The following RGPD4 variants were observed in gnomAD, a reference collection of about 807,000 sequenced individuals.
The protein encoded by RGPD4 is ranBP2-like and GRIP domain-containing protein 4.
In RGPD4, 84 loss-of-function variants were observed where a neutral mutation model predicts 141.1. The observed-to-expected ratio is 0.60, with a 90% CI of 0.50 to 0.71. The LOEUF (loss-of-function observed/expected upper bound fraction) is 0.71. Among genes scored for constraint, RGPD4 ranks in the 30% least tolerant of loss-of-function variants. The pLI, the probability that RGPD4 is intolerant of heterozygous loss-of-function variation, is 0.00. For synonymous variants in RGPD4, 298 were observed against 566.8 expected, an observed-to-expected ratio of 0.53 and a Z score of 6.74; for missense variants, 918 against 1,622.4, an observed-to-expected ratio of 0.57 and a Z score of 7.46.
chr2:107,863,633 C>A (rs1361128244), intron 17 of RGPD4, among the ~76,000 whole-genome samples: 4 of 151,692 alleles, frequency 2.6e-5, no homozygotes, highest in African/African-American at 9.8e-5. Context: ...GCTGGGATTA[C>A]AGGCACCCGC....
chr2:107,891,528 C>CT lies in RGPD4; in HGVS notation c.*804dup, dbSNP rs1430454771. Among the ~76,000 whole-genome samples the CT allele has an allele frequency of 4.3e-5, 4 of 93,018 alleles. No homozygotes were observed. Among genetic ancestry groups the CT allele is most frequent in the African/African-American group, 2.1e-4 (4 of 19,136 alleles). 61.0% of individuals were successfully genotyped at this position (93,018 alleles called of 152,430 possible). A position where few individuals can be genotyped will look rare whatever the true frequency, so the allele number is the denominator to read the frequency against. Reference sequence around the variant, plus strand: ...GTTATTTGCTTTAAAATAAACTCTTCTTTTTTTCTTTAAAGTATACTATCT... The same window carrying CT: ...GTTATTTGCTTTAAAATAAACTCTTCTTTTTTTTCTTTAAAGTATACTATCT... On this transcript the variant is annotated 3_prime_UTR_variant, in exon 23 of 23. Coordinates refer to ENST00000408999, the MANE Select transcript of RGPD4 (RefSeq NM_182588.3).
intron 15 of RGPD4, 78 bp downstream of exon 15, chr2:107,861,818 G>C (rs1682551686): frequency 6.3e-7 from 1 of 1,592,504 alleles, no homozygotes; most frequent in African/African-American, 1.4e-5. Context: ...TTATATTTTG[G>C]TAATTTCAAA....
In RGPD4 at chr2:107,832,187, C is replaced by CATTG. The variant is rs749712465; in HGVS notation, c.73-4398_73-4395dup. The stretch of plus-strand genomic sequence containing the variant: ...TAATCCGTTCAATTTCAGCTTAAAA[C>CATTG]ATTGATTGATTGATTGATTGTCTAC... On this transcript the variant is annotated intron_variant, in intron 1 of 22. Coordinates refer to ENST00000408999, the MANE Select transcript of RGPD4 (RefSeq NM_182588.3). Among the ~76,000 whole-genome samples the CATTG allele has an allele frequency of 5.9e-5, 9 of 151,354 alleles. No individual in the cohort carries two copies. The South Asian group carries it at 8.3e-4, about 14-fold the overall frequency.
At chr2:107,854,311 A>T (rs1276421733) in intron 7 of RGPD4, among the ~76,000 whole-genome samples, 1 of 150,836 alleles carries the variant, frequency 6.6e-6, no homozygotes, top group Non-Finnish European at 1.5e-5. Flanking sequence ...TGATCAGCCC[A>T]CCTTGGCCTC....
Position 107,859,370 on chromosome 2 carries a change from A to C in RGPD4, c.1459-9A>C, listed in dbSNP as rs1265041206. On this transcript the variant is annotated splice_polypyrimidine_tract_variant and intron_variant, in intron 10 of 22. Transcript: ENST00000408999. ...TTTTTCTAACTTAACTTTTCCTTAAATAAAACAGGTATTTCTCCTTGGAGT... is the reference window on the plus strand; with the variant it reads ...TTTTTCTAACTTAACTTTTCCTTAACTAAAACAGGTATTTCTCCTTGGAGT... The C allele has an allele frequency of 1.9e-6, 3 of 1,600,742 alleles. No individual in the cohort carries two copies. In the Admixed American group the frequency reaches 5.1e-5, roughly 27 times the overall value.
At chr2:107,831,635 G>T (rs1183035452) in intron 1 of RGPD4, among the ~76,000 whole-genome samples, 6 of 116,492 alleles carry the variant, frequency 5.2e-5, no homozygotes, top group Non-Finnish European at 8.5e-5. Context: ...GAGTGTAGTG[G>T]CGCGATCTCG....
intron 22 of RGPD4, among the ~76,000 whole-genome samples, chr2:107,885,078 A>G (rs1226027295): frequency 6.6e-6 from 1 of 152,174 alleles, no homozygotes. Context: ...TATAGCCACA[A>G]TAGTATTTTT....
intron 22 of RGPD4, among the ~76,000 whole-genome samples, chr2:107,884,293 G>C (rs1380415011): frequency 6.6e-6 from 1 of 152,132 alleles, no homozygotes; most frequent in Non-Finnish European, 1.5e-5. Flanking sequence ...GTAGAGACGA[G>C]GTTTCACCAT....
intron 6 of RGPD4, among the ~76,000 whole-genome samples, chr2:107,845,790 T>C (rs1384241791): frequency 6.6e-6 from 1 of 152,060 alleles, no homozygotes; most frequent in Non-Finnish European, 1.5e-5. Context: ...GGTCTCGATC[T>C]CCTGACCTCG....
At chr2:107,856,042 C>G (rs1460806998) in intron 8 of RGPD4, among the ~76,000 whole-genome samples, 1 of 137,670 alleles carries the variant, frequency 7.3e-6, no homozygotes, top group Non-Finnish European at 1.5e-5. Flanking sequence ...GGAACAAGGC[C>G]TGGAAATAAT....
chr2:107,861,383 TC>T (rs1682532622), intron 14 of RGPD4, 52 bp downstream of exon 14: 1 of 292,076 alleles, frequency 3.4e-6, no homozygotes, highest in Admixed American at 6.3e-5. Flanking sequence ...ATTTATTATT[TC>T]TTTTAAAAGA....
chr2:107,867,379 G>A (rs1016165153), intron 18 of RGPD4, among the ~76,000 whole-genome samples: 2 of 151,786 alleles, frequency 1.3e-5, no homozygotes, highest in African/African-American at 4.8e-5. Context: ...CTAGCCTTTT[G>A]TGATAGTATC....
Position 107,859,827 on chromosome 2 carries a change from A to T in RGPD4, c.1740A>T (p.Ala580=). Residue 580 remains alanine, a synonymous_variant, in exon 12 of 23, where the codon GCA becomes GCT. Coordinates refer to ENST00000408999, the MANE Select transcript of RGPD4 (RefSeq NM_182588.3). Reference sequence around the variant, plus strand: ...AACCTGCTCTGCTTGTACATTGGGCAAAATGCCTTCAGAAAATGGTGAGTT... The same window carrying T: ...AACCTGCTCTGCTTGTACATTGGGCTAAATGCCTTCAGAAAATGGTGAGTT... ...GLQPALLVHW[A]KCLQKMGSGL... 1 of 1,600,780 alleles carries T rather than the reference A, an allele frequency of 6.2e-7. No individual in the cohort carries two copies. Among genetic ancestry groups the T allele is most frequent in the Admixed American group, 1.7e-5 (1 of 57,520 alleles).
At chr2:107,844,896 C>T (rs1188121289) in intron 6 of RGPD4, among the ~76,000 whole-genome samples, 2 of 105,048 alleles carry the variant, frequency 1.9e-5, no homozygotes, top group Admixed American at 1.2e-4. Context: ...AGTGCAGTGG[C>T]ACGACCTTGA....
chr2:107,862,792 G>A lies in RGPD4; in HGVS notation c.2316G>A (p.Ala772=), dbSNP rs2912696. The change falls in exon 16 of 23, where the codon GCG becomes GCA. Residue 772 remains alanine, a synonymous_variant. Coordinates refer to ENST00000408999, the MANE Select transcript of RGPD4 (RefSeq NM_182588.3). ...PLYKNGSLRN[A]DSEIKHSTPS... is the part of the protein sequence containing the mutation. ...ATAAAAATGGTTCTTTGCGAAATGC[G>A]GATTCAGAAATAAAACATTCTACAC... 2.4e-3 allele frequency: 3,059 copies of A among 1,268,494 alleles called. 6 individuals carry two copies. The highest frequency in any genetic ancestry group is 8.5e-3 in the African/African-American group (349 of 41,196). 78.6% of individuals were successfully genotyped at this position (1,268,494 alleles called of 1,614,324 possible).
intron 6 of RGPD4, among the ~76,000 whole-genome samples, chr2:107,844,924 C>A (rs1681869698): frequency 7.6e-6 from 1 of 131,310 alleles, no homozygotes; most frequent in African/African-American, 2.9e-5. Context: ...TAACCTCTGC[C>A]TCCCGGGTTC....
chr2:107,835,633 C>G (rs1203279013), intron 1 of RGPD4, among the ~76,000 whole-genome samples: 1 of 150,498 alleles, frequency 6.6e-6, no homozygotes, highest in Non-Finnish European at 1.5e-5. Flanking sequence ...TCTGGAATAC[C>G]TTTCCTCCCC....
Position 107,884,682 on chromosome 2 carries a change from T to G in RGPD4, c.5266+1809T>G, listed in dbSNP as rs1233988824. Reference sequence around the variant, plus strand: ...ACATCTTACTTTTGACTGATTGACCTTATCTAGTTGGTGTTCTTTAACATG... The same window carrying G: ...ACATCTTACTTTTGACTGATTGACCGTATCTAGTTGGTGTTCTTTAACATG... On this transcript the variant is annotated intron_variant, in intron 22 of 22. Transcript: ENST00000408999. 2.8e-5 allele frequency among the ~76,000 whole-genome samples: 4 copies of G among 141,254 alleles called. No homozygotes were observed. The East Asian group carries it at 8.1e-4, about 28-fold the overall frequency. The allele number at this position is 141,254 out of a possible 152,430, so 92.7% of individuals were successfully genotyped here.
intron 9 of RGPD4, among the ~76,000 whole-genome samples, chr2:107,858,285 G>A (rs1016325430): frequency 5.9e-5 from 9 of 151,876 alleles, no homozygotes; most frequent in African/African-American, 2.2e-4. Context: ...TATTTCCATA[G>A]AGATACCTAT....
Sources: gnomAD v4.1 joint callset for allele counts (sites outside exome capture counted in the v4.1 genomes callset) on GRCh38, gnomAD v4.1.1 for gene constraint, MANE v1.5 for transcripts, NCBI Gene and HGNC (gene_info 2026-07-23, HGNC 2026-07-21) for gene names.